The following EXOC4 variants were observed in gnomAD, a reference collection of about 807,000 sequenced individuals.
EXOC4 encodes the protein exocyst complex component 4, also known as SEC8-like 1.
Under a neutral mutation model 107.2 loss-of-function variants are expected in EXOC4, and 71 were observed. The observed-to-expected ratio is 0.66, with a 90% CI of 0.55 to 0.81. EXOC4 has a LOEUF of 0.81. Among genes scored for constraint, EXOC4 ranks in the 30% least tolerant of loss-of-function variants. The pLI is 0.00. For synonymous variants in EXOC4, 456 were observed against 441.2 expected, an observed-to-expected ratio of 1.03 and a Z score of -0.42; for missense variants, 1,108 against 1,189.6, an observed-to-expected ratio of 0.93 and a Z score of 1.01.
chr7:133,790,352 T>C (rs1441182646), intron 10 of EXOC4, among the ~76,000 whole-genome samples: 1 of 152,246 alleles, frequency 6.6e-6, no homozygotes, highest in Non-Finnish European at 1.5e-5. Context: ...TGAGTCTCTG[T>C]CCAACCCACT....
chr7:133,845,318 A>G (rs921213864), intron 11 of EXOC4, among the ~76,000 whole-genome samples: 7 of 144,708 alleles, frequency 4.8e-5, no homozygotes, highest in African/African-American at 1.8e-4. Context: ...GCCAACTAGC[A>G]TGATAGGCAG....
intron 10 of EXOC4, among the ~76,000 whole-genome samples, chr7:133,699,496 C>T (rs756877523): frequency 8.5e-5 from 13 of 152,116 alleles, no homozygotes; most frequent in Admixed American, 3.3e-4. Context: ...AGGGAGGTTA[C>T]AGTAGTTGTT....
At chr7:133,802,649 A>C (rs1796972536) in intron 10 of EXOC4, among the ~76,000 whole-genome samples, 1 of 151,958 alleles carries the variant, frequency 6.6e-6, no homozygotes, top group African/African-American at 2.4e-5. Flanking sequence ...ACCCAAGTTC[A>C]GGAGTTCAAG....
chr7:133,477,873 A>T (rs1017317458), intron 8 of EXOC4, among the ~76,000 whole-genome samples: 1 of 152,210 alleles, frequency 6.6e-6, no homozygotes, highest in Non-Finnish European at 1.5e-5. Flanking sequence ...GCCCATTCCT[A>T]AACTAGTCAC....
intron 14 of EXOC4, among the ~76,000 whole-genome samples, chr7:133,995,440 A>G (rs1794366814): frequency 6.6e-6 from 1 of 152,232 alleles, no homozygotes; most frequent in South Asian, 2.1e-4. Context: ...AAGGGCTGAA[A>G]AGCCCTAAAA....
chr7:133,290,190 G>A (rs1794371561), intron 3 of EXOC4, among the ~76,000 whole-genome samples: 1 of 152,176 alleles, frequency 6.6e-6, no homozygotes, highest in Non-Finnish European at 1.5e-5. Context: ...TTCCACAGTG[G>A]AAGGAGATTA....
intron 7 of EXOC4, among the ~76,000 whole-genome samples, chr7:133,432,289 T>C (rs943831581): frequency 5.3e-5 from 8 of 152,208 alleles, no homozygotes; most frequent in African/African-American, 1.9e-4. Flanking sequence ...TAATTAGTTA[T>C]ATAACTTTAT....
intron 10 of EXOC4, among the ~76,000 whole-genome samples, chr7:133,652,862 G>C (rs1803195926): frequency 6.6e-6 from 1 of 152,176 alleles, no homozygotes; most frequent in South Asian, 2.1e-4. Context: ...TATCCTAAAA[G>C]TTTACAGACC....
chr7:133,355,439 C>T lies in EXOC4; in HGVS notation c.764-891C>T, dbSNP rs529222031. Among the ~76,000 whole-genome samples the T allele has an allele frequency of 7.9e-5, 12 of 152,048 alleles. No individual in the cohort carries two copies. The South Asian group carries it at 8.3e-4, about 11-fold the overall frequency. On this transcript the variant is annotated intron_variant, in intron 5 of 17. Transcript: ENST00000253861. ...TGTTTTTTTTGGCAGTTGCGAAACC[C>T]GGAATTCCTATGTGAAGTTTTGCAT...
chr7:133,330,142 G>C (rs970454038), intron 5 of EXOC4, among the ~76,000 whole-genome samples: 1 of 152,114 alleles, frequency 6.6e-6, no homozygotes, highest in Admixed American at 6.5e-5. Context: ...ATCTAGAGAG[G>C]CAATCTGGCC....
chr7:133,897,705 C>T (rs1799351632), intron 12 of EXOC4, among the ~76,000 whole-genome samples: 1 of 149,798 alleles, frequency 6.7e-6, no homozygotes, highest in South Asian at 2.1e-4. Flanking sequence ...CTATTGGATG[C>T]TTTTTTAAAA....
At chr7:133,900,600 TGA>T (rs1799429445) in intron 12 of EXOC4, among the ~76,000 whole-genome samples, 1 of 152,028 alleles carries the variant, frequency 6.6e-6, no homozygotes, top group South Asian at 2.1e-4. Flanking sequence ...GAAATTTTTC[TGA>T]GTTTTGTGTA....
At chr7:134,090,479 G>A in the EXOC4 span, among the ~76,000 whole-genome samples, 1 of 152,166 alleles carries the variant, frequency 6.6e-6, no homozygotes, top group African/African-American at 2.4e-5. Context: ...CTTAACACTA[G>A]CCTCTCAAAT....
rs540022405 is a variant in EXOC4, at chr7:133,535,251, G to A, written c.1417+55113G>A. Among the ~76,000 whole-genome samples, 4 of 152,230 alleles carry A rather than the reference G, an allele frequency of 2.6e-5. No individual in the cohort carries two copies. In the South Asian group the frequency reaches 8.3e-4, roughly 32 times the overall value. On this transcript the variant is annotated intron_variant, in intron 9 of 17. Transcript: ENST00000253861. ...ATTTTACTCATGAAGTTCTGAGCAG[G>A]TAAGTGACTTGTCCAAAGTTACCCT...
chr7:133,584,110 G>T lies in EXOC4; in HGVS notation c.1418-45935G>T, dbSNP rs1273537834. Among the ~76,000 whole-genome samples, 3 of 152,296 alleles carry T rather than the reference G, an allele frequency of 2.0e-5. No homozygotes were observed. In the East Asian group the frequency reaches 5.8e-4, roughly 29 times the overall value. ...TGTAGGGAACAAGAGCTCAGATTTG[G>T]ATTTGAACTTGTTGAATTTGGGATA... On this transcript the variant is annotated intron_variant, in intron 9 of 17. Coordinates refer to ENST00000253861, the MANE Select transcript of EXOC4 (RefSeq NM_021807.4).
chr7:133,602,010 G>A (rs1352653274), intron 9 of EXOC4: 6 of 152,234 alleles, frequency 3.9e-5, no homozygotes, highest in African/African-American at 1.4e-4. Context: ...CAATTTTACA[G>A]GTTCGTATTT....
chr7:134,073,554 G>A, the EXOC4 span, among the ~76,000 whole-genome samples: 1 of 152,062 alleles, frequency 6.6e-6, no homozygotes, highest in African/African-American at 2.4e-5. Flanking sequence ...TCTGCCTGAG[G>A]TTTGAGTTTG....
At chr7:133,981,494 A>C (rs1192982138) in intron 14 of EXOC4, among the ~76,000 whole-genome samples, 3 of 152,226 alleles carry the variant, frequency 2.0e-5, no homozygotes, top group African/African-American at 4.8e-5. Context: ...GCAACAAGAA[A>C]AAAAAGCTAA....
chr7:133,903,344 G>A (rs1799497696), intron 12 of EXOC4, among the ~76,000 whole-genome samples: 1 of 152,202 alleles, frequency 6.6e-6, no homozygotes, highest in Admixed American at 6.5e-5. Flanking sequence ...GATGGAAGCA[G>A]TGAGACCACC....
Sources: gnomAD v4.1 joint callset for allele counts (sites outside exome capture counted in the v4.1 genomes callset) on GRCh38, gnomAD v4.1.1 for gene constraint, MANE v1.5 for transcripts, NCBI Gene and HGNC (gene_info 2026-07-23, HGNC 2026-07-21) for gene names.